Variants in ZNRF3 observed in about 807,000 individuals in gnomAD.
ZNRF3 encodes zinc and ring finger 3.
A neutral mutation model predicts 72.5 loss-of-function variants in ZNRF3; 23 were observed. The observed-to-expected ratio is 0.32, with a 90% CI of 0.23 to 0.45. The LOEUF is 0.45. ZNRF3 is among the 20% of genes least tolerant of loss of function. The pLI, the probability that ZNRF3 is intolerant of heterozygous loss-of-function variation, is 1.00. For missense variants in ZNRF3, 1,169 were observed against 1,272.1 expected (o/e 0.92, Z 1.23); for synonymous variants, 610 against 545.3 (o/e 1.12, Z -1.65).
At chr22:29,035,261 G>A (rs1017308401) in intron 2 of ZNRF3, among the ~76,000 whole-genome samples, 2 of 152,064 alleles carry the variant, frequency 1.3e-5, no homozygotes, top group Non-Finnish European at 2.9e-5. Context: ...TTATGTATAG[G>A]ACATCTATAC....
At chr22:28,970,900 C>T (rs909539263) in intron 1 of ZNRF3, among the ~76,000 whole-genome samples, 3 of 152,176 alleles carry the variant, frequency 2.0e-5, no homozygotes, top group Non-Finnish European at 4.4e-5. Context: ...AAGAAACTTT[C>T]TGGGGTGATG....
intron 4 of ZNRF3, among the ~76,000 whole-genome samples, chr22:29,043,793 CCTT>C (rs1268128508): frequency 3.3e-5 from 5 of 152,168 alleles, no homozygotes; most frequent in Admixed American, 6.5e-5. Flanking sequence ...CCCGTGGCTT[CCTT>C]CTTCTATCTG....
intron 1 of ZNRF3, among the ~76,000 whole-genome samples, chr22:28,953,423 T>C (rs1447347916): frequency 6.6e-6 from 1 of 152,188 alleles, no homozygotes; most frequent in African/African-American, 2.4e-5. Context: ...ATTAGTTGTC[T>C]CTTAAGTTGC....
At chr22:29,046,922 A>G (rs1431062346) in intron 6 of ZNRF3, 39 bp downstream of exon 6, 1 of 1,478,738 alleles carries the variant, frequency 6.8e-7, no homozygotes, top group African/African-American at 1.4e-5. Context: ...TGGGGAAAAC[A>G]TAGGCAGGTC....
chr22:28,916,857 G>A (rs989726068), intron 1 of ZNRF3, among the ~76,000 whole-genome samples: 1 of 152,076 alleles, frequency 6.6e-6, no homozygotes, highest in African/African-American at 2.4e-5. Flanking sequence ...CCTTACCGTA[G>A]TCTCTTTAGA....
intron 1 of ZNRF3, among the ~76,000 whole-genome samples, chr22:28,973,126 G>A (rs1384639266): frequency 6.6e-6 from 1 of 152,072 alleles, no homozygotes; most frequent in South Asian, 2.1e-4. Flanking sequence ...TTACAGGCGT[G>A]TACCACCACA....
intron 1 of ZNRF3, among the ~76,000 whole-genome samples, chr22:28,984,277 G>C (rs2035816010): frequency 6.6e-6 from 1 of 152,086 alleles, no homozygotes; most frequent in African/African-American, 2.4e-5. Context: ...TCACCCAGAA[G>C]GAAGCCCTGT....
At chr22:28,965,182 A>C (rs1014320395) in intron 1 of ZNRF3, among the ~76,000 whole-genome samples, 4 of 152,214 alleles carry the variant, frequency 2.6e-5, no homozygotes, top group Non-Finnish European at 5.9e-5. Flanking sequence ...TCTTTGTTGC[A>C]TCAGCCACAC....
At chr22:29,023,938 T>C (rs1019361782) in intron 2 of ZNRF3, among the ~76,000 whole-genome samples, 1 of 152,188 alleles carries the variant, frequency 6.6e-6, no homozygotes, top group East Asian at 1.9e-4. Flanking sequence ...CTTGTAGTTA[T>C]AGCTCTCTCC....
chr22:28,900,024 AC>A (rs750849190), intron 1 of ZNRF3, among the ~76,000 whole-genome samples: 4 of 151,972 alleles, frequency 2.6e-5, no homozygotes, highest in Non-Finnish European at 5.9e-5. Flanking sequence ...TTTCTTCCCT[AC>A]TTGTTGGAGG....
At chr22:28,985,005 C>A (rs2035829482) in intron 1 of ZNRF3, among the ~76,000 whole-genome samples, 1 of 152,164 alleles carries the variant, frequency 6.6e-6, no homozygotes, top group Non-Finnish European at 1.5e-5. Context: ...CAGCTGCTGG[C>A]CGCCCTGTGC....
chr22:28,902,552 A>C (rs963203830), intron 1 of ZNRF3, among the ~76,000 whole-genome samples: 3 of 151,948 alleles, frequency 2.0e-5, no homozygotes, highest in Non-Finnish European at 4.4e-5. Context: ...TGTATTTTTC[A>C]CCAGGTTCTT....
intron 1 of ZNRF3, among the ~76,000 whole-genome samples, chr22:28,937,201 ATATATATATATATATTTTTTTTTTTT>A (rs1250878763): frequency 2.9e-3 from 13 of 4,414 alleles, no homozygotes; most frequent in Middle Eastern, 0.17. Flanking sequence ...ATATATATAT[ATATATATATATATATTTTTTTTTTTT>A]TTTTTTTTTT....
intron 2 of ZNRF3, among the ~76,000 whole-genome samples, chr22:29,022,592 G>A (rs1383432553): frequency 6.6e-6 from 1 of 152,070 alleles, no homozygotes; most frequent in Non-Finnish European, 1.5e-5. Flanking sequence ...GTTTCAGATG[G>A]GGGAAAAAGA....
intron 1 of ZNRF3, among the ~76,000 whole-genome samples, chr22:28,918,687 C>T (rs1002887942): frequency 2.0e-5 from 3 of 151,986 alleles, no homozygotes; most frequent in African/African-American, 7.3e-5. Flanking sequence ...TTCCCTAGGG[C>T]GGGTCTGAGT....
intron 2 of ZNRF3, among the ~76,000 whole-genome samples, chr22:29,008,331 G>A (rs907004151): frequency 4.6e-5 from 7 of 152,190 alleles, no homozygotes; most frequent in African/African-American, 1.2e-4. Context: ...GTTTGCTGAT[G>A]ACCCTGTTTG....
chr22:29,002,988 A>C (rs935441823), intron 2 of ZNRF3, among the ~76,000 whole-genome samples: 6 of 152,142 alleles, frequency 3.9e-5, no homozygotes, highest in Admixed American at 2.6e-4. Context: ...AAAATTTTGC[A>C]CTTATTTTTG....
chr22:29,042,262 G>A (rs562250391), intron 2 of ZNRF3, among the ~76,000 whole-genome samples: 1 of 152,198 alleles, frequency 6.6e-6, no homozygotes, highest in Non-Finnish European at 1.5e-5. Flanking sequence ...TTTGTGTTGG[G>A]AATGTCCTTC....
intron 1 of ZNRF3, among the ~76,000 whole-genome samples, chr22:28,966,360 A>G (rs1167629215): frequency 6.6e-6 from 1 of 152,168 alleles, no homozygotes; most frequent in East Asian, 1.9e-4. Flanking sequence ...AATTTCTATC[A>G]CTCAGTATTT....
Sources: gnomAD v4.1 joint callset for allele counts (sites outside exome capture counted in the v4.1 genomes callset) on GRCh38, gnomAD v4.1.1 for gene constraint, MANE v1.5 for transcripts, NCBI Gene and HGNC (gene_info 2026-07-23, HGNC 2026-07-21) for gene names.